The following NCAPG variants were observed in gnomAD, a reference collection of about 807,000 sequenced individuals.
NCAPG encodes condensin complex subunit 3.
A neutral mutation model predicts 113.1 loss-of-function variants in NCAPG; 69 were observed. The ratio of observed to expected loss-of-function variants is 0.61; its 90% CI spans 0.50 to 0.75. NCAPG has a LOEUF of 0.75. Among genes scored for constraint, NCAPG ranks in the 30% least tolerant of loss-of-function variants. NCAPG has a pLI of 0.00. For synonymous variants in NCAPG, 370 were observed against 415.8 expected (o/e 0.89, Z 1.34); for missense variants, 1,058 against 1,177.0 (o/e 0.90, Z 1.48).
rs1385392467 is a variant in NCAPG at position 17,842,354 on chromosome 4, C to CT, written c.2899_2900insT (p.Gln967LeufsTer4). ...TTCAGCTAGGACGAACAGGAGGTGT[C>CT]AGACTGCTGAAGCCGACTCTGAAAG... On this transcript the variant is annotated frameshift_variant, in exon 20 of 21. Transcript: ENST00000251496. LOFTEE classifies it high-confidence loss of function. 1 of 1,612,024 alleles carries CT rather than the reference C, an allele frequency of 6.2e-7. No homozygotes were observed. Among genetic ancestry groups the CT allele is most frequent in the Admixed American group, 1.7e-5 (1 of 59,908 alleles).
chr4:17,815,100 G>A (rs1721149125), intron 4 of NCAPG, 102 bp downstream of exon 4: 3 of 1,482,446 alleles, frequency 2.0e-6, no homozygotes, highest in Non-Finnish European at 2.8e-6. Context: ...AATTTCTTCA[G>A]TTGAGGTTTT....
intron 12 of NCAPG, among the ~76,000 whole-genome samples, chr4:17,828,966 A>G (rs956044431): frequency 3.2e-4 from 49 of 151,974 alleles, no homozygotes; most frequent in African/African-American, 1.2e-3. Flanking sequence ...AAAAGAGGAT[A>G]ATTTTAGTAT....
Position 17,843,516 on chromosome 4 carries a change from C to A in NCAPG, c.*91C>A. 7.0e-7 allele frequency: 1 copy of A among 1,424,088 alleles called. No homozygotes were observed. Among genetic ancestry groups the A allele is most frequent in the Non-Finnish European group, 9.6e-7 (1 of 1,038,842 alleles). The allele number at this position is 1,424,088 out of a possible 1,614,324, so 88.2% of individuals were successfully genotyped here. ...TACCCTTGTCAAAATCAGAACAAACCTGATGTCTTTCTGAAGATTTTCTGC... is the reference window on the plus strand; with the variant it reads ...TACCCTTGTCAAAATCAGAACAAACATGATGTCTTTCTGAAGATTTTCTGC... On this transcript the variant is annotated 3_prime_UTR_variant, in exon 21 of 21. Coordinates refer to ENST00000251496, the MANE Select transcript of NCAPG (RefSeq NM_022346.5).
chr4:17,837,877 G>A, intron 16 of NCAPG, 76 bp downstream of exon 16: 2 of 1,521,204 alleles, frequency 1.3e-6, no homozygotes, highest in Non-Finnish European at 1.8e-6. Flanking sequence ...TTGAAATACT[G>A]AGGAACTGCA....
intron 7 of NCAPG, among the ~76,000 whole-genome samples, chr4:17,822,434 C>T (rs748425085): frequency 2.0e-5 from 3 of 152,022 alleles, no homozygotes; most frequent in Non-Finnish European, 4.4e-5. Context: ...TTGTGGTGCA[C>T]CTGCCTCGGC....
chr4:17,841,074 T>G (rs1722353646), intron 19 of NCAPG: 1 of 153,084 alleles, frequency 6.5e-6, no homozygotes, highest in Non-Finnish European at 1.5e-5. Flanking sequence ...GTTTTCCTTC[T>G]ATTCCCATCT....
At chr4:17,821,305 C>T (rs188831538) in intron 7 of NCAPG, among the ~76,000 whole-genome samples, 2 of 151,982 alleles carry the variant, frequency 1.3e-5, no homozygotes, top group Non-Finnish European at 2.9e-5. Context: ...CTACTAGAAC[C>T]CAAAGGGTGG....
rs1720948885 is a variant in NCAPG, at chr4:17,811,546, G to C, written c.111+358G>C. 6.6e-6 allele frequency among the ~76,000 whole-genome samples: 1 copy of C among 152,168 alleles called. No homozygotes were observed. The highest frequency in any genetic ancestry group is 6.5e-5 in the Admixed American group (1 of 15,284). On this transcript the variant is annotated intron_variant, in intron 1 of 20. Transcript: ENST00000251496. This position sits in a 1 kb window ranked among gnomAD's most constrained non-coding sequence, Gnocchi z 5.3. ...CAGACATCAAATATTGAACCGCAGAGTGGATCCTGAATGCGGGGGTTCAGT... is the reference window on the plus strand; with the variant it reads ...CAGACATCAAATATTGAACCGCAGACTGGATCCTGAATGCGGGGGTTCAGT...
At chr4:17,829,106 G>T (rs746703663) in intron 12 of NCAPG, among the ~76,000 whole-genome samples, 9 of 151,930 alleles carry the variant, frequency 5.9e-5, no homozygotes, top group African/African-American at 1.5e-4. Flanking sequence ...GTCTTATAGC[G>T]CATCTTAAAC....
rs75479572 is a variant in NCAPG, at chr4:17,839,676, G to T, written c.2467G>T (p.Ala823Ser). 4 of 1,512,448 alleles carry T rather than the reference G, an allele frequency of 2.6e-6. No individual in the cohort carries two copies. Among genetic ancestry groups the T allele is most frequent in the Non-Finnish European group, 2.6e-6 (3 of 1,137,258 alleles). The allele number at this position is 1,512,448 out of a possible 1,614,324, so 93.7% of individuals were successfully genotyped here. A position where few individuals can be genotyped will look rare whatever the true frequency, so the allele number is the denominator to read the frequency against. Residue 823 changes from alanine to serine, a missense_variant and splice_region_variant, in exon 17 of 21, where the codon GCC becomes TCC. By Grantham distance (99) the Ala-to-Ser change is moderately conservative. Transcript: ENST00000251496. ...AGAGAATTTTCTCTTAATTTTTTAGGCCTTAACAGTACATGACAATTTGGC... is the reference window on the plus strand; with the variant it reads ...AGAGAATTTTCTCTTAATTTTTTAGTCCTTAACAGTACATGACAATTTGGC... ...PQAKTSQDYQ[A>S]LTVHDNLAMK...
rs1722198454 is a variant in NCAPG at position 17,838,619 on chromosome 4, A to G, written c.2466+818A>G. Among the ~76,000 whole-genome samples, 3 of 152,148 alleles carry G rather than the reference A, an allele frequency of 2.0e-5. No individual in the cohort carries two copies. The South Asian group carries it at 6.2e-4, about 31-fold the overall frequency. On this transcript the variant is annotated intron_variant, in intron 16 of 20. Coordinates refer to ENST00000251496, the MANE Select transcript of NCAPG (RefSeq NM_022346.5). ...TTGGGTAGAGGAAGGATGTTTTAGTAAAGGTGATATATGTAGATGGTTATG... is the reference window on the plus strand; with the variant it reads ...TTGGGTAGAGGAAGGATGTTTTAGTGAAGGTGATATATGTAGATGGTTATG...
In NCAPG at chr4:17,837,201, C is replaced by A; in HGVS notation, c.2152C>A (p.Leu718Met). 6.2e-7 allele frequency: 1 copy of A among 1,613,966 alleles called. No homozygotes were observed. The highest frequency in any genetic ancestry group is 8.5e-7 in the Non-Finnish European group (1 of 1,179,926). Residue 718 changes from leucine to methionine, a missense_variant, in exon 15 of 21, where the codon CTG (leucine) becomes ATG (methionine). Physicochemically the swap from Leu to Met is conservative, Grantham distance 15. Transcript: ENST00000251496. ...TGGAGCTGCAGAAGGACTAGCCAAG[C>A]TGATGTTCTCTGGGCTTTTGGTCAG... Reference protein sequence around the residue: ...RTGAAEGLAKLMFSGLLVSSR... With the variant: ...RTGAAEGLAKMMFSGLLVSSR...
chr4:17,825,805 C>G (rs547658054), intron 11 of NCAPG, among the ~76,000 whole-genome samples: 1 of 151,966 alleles, frequency 6.6e-6, no homozygotes, highest in Admixed American at 6.6e-5. Flanking sequence ...CTCTAGAATC[C>G]GAAGTCTTTC....
At chr4:17,839,531 AG>A in intron 16 of NCAPG, 144 bp from the exon 17 acceptor site, 1 of 514,164 alleles carries the variant, frequency 1.9e-6, no homozygotes. Context: ...TTTTGGGGGT[AG>A]GGAGGATGTT....
chr4:17,819,365 T>C (rs1224595848), intron 7 of NCAPG, among the ~76,000 whole-genome samples: 1 of 152,124 alleles, frequency 6.6e-6, no homozygotes, highest in East Asian at 1.9e-4. Context: ...TATATTTTGA[T>C]AGATATTGGT....
intron 7 of NCAPG, among the ~76,000 whole-genome samples, chr4:17,822,696 A>G (rs569128430): frequency 5.8e-4 from 89 of 152,152 alleles, no homozygotes; most frequent in Non-Finnish European, 1.1e-3. Flanking sequence ...CATTGAAATA[A>G]TTAGTTATCA....
chr4:17,811,060 C>T lies in NCAPG; in HGVS notation c.-18C>T. On this transcript the variant is annotated 5_prime_UTR_variant, in exon 1 of 21. Coordinates refer to ENST00000251496, the MANE Select transcript of NCAPG (RefSeq NM_022346.5). The surrounding 1 kb of genome is among the most constrained non-coding windows in gnomAD (Gnocchi z 5.3). ...AGCCGAGCGCGGGCAGGACTCGTCC[C>T]GGCAGGGTTCCAGAGCCATGGGAGC... The T allele has an allele frequency of 6.9e-7, 1 of 1,451,926 alleles. No individual in the cohort carries two copies. The highest frequency in any genetic ancestry group is 1.3e-5 in the South Asian group (1 of 74,392). 89.9% of individuals were successfully genotyped at this position (1,451,926 alleles called of 1,614,324 possible). A position where few individuals can be genotyped will look rare whatever the true frequency, so the allele number is the denominator to read the frequency against.
chr4:17,813,268 T>C, intron 3 of NCAPG, 123 bp downstream of exon 3: 1 of 781,088 alleles, frequency 1.3e-6, no homozygotes, highest in Non-Finnish European at 1.9e-6. Context: ...TGATTCCGAT[T>C]AAACAAAAAA....
intron 14 of NCAPG, 98 bp from the exon 15 acceptor site, chr4:17,837,061 T>C: frequency 9.8e-7 from 1 of 1,024,158 alleles, no homozygotes; most frequent in Non-Finnish European, 1.4e-6. Flanking sequence ...GAATGGTTTT[T>C]GGATGGTTCG....
Sources: allele counts gnomAD v4.1 joint callset (sites outside exome capture counted in the v4.1 genomes callset), GRCh38; gene constraint gnomAD v4.1.1; non-coding constraint Gnocchi (gnomAD v3.1); transcripts MANE v1.5; gene names NCBI Gene and HGNC (gene_info 2026-07-23, HGNC 2026-07-21).